STON2: variants seen among roughly 807,000 people sequenced by gnomAD.
STON2 encodes the protein stonin-2.
Under a neutral mutation model 65.7 loss-of-function variants are expected in STON2, and 29 were observed. The ratio of observed to expected loss-of-function variants is 0.44; its 90% confidence interval spans 0.33 to 0.60. The LOEUF (loss-of-function observed/expected upper bound fraction) is 0.60. Ranked by LOEUF, STON2 falls within the 20% of genes least tolerant of loss-of-function variation. STON2 has a pLI of 0.03. For synonymous variants in STON2, 404 were observed against 414.2 expected, an observed-to-expected ratio of 0.98 and a Z score of 0.30; for missense variants, 1,054 against 1,118.1, an observed-to-expected ratio of 0.94 and a Z score of 0.82.
At chr14:81,425,687 C>T (rs1190093391) in intron 2 of STON2, among the ~76,000 whole-genome samples, 2 of 152,090 alleles carry the variant, frequency 1.3e-5, no homozygotes, top group Non-Finnish European at 2.9e-5. Context: ...AATACTAAAA[C>T]ACTGTCATCC....
At chr14:81,355,843 T>C (rs549491798) in intron 4 of STON2, among the ~76,000 whole-genome samples, 1 of 152,266 alleles carries the variant, frequency 6.6e-6, no homozygotes, top group East Asian at 1.9e-4. Context: ...CTTGTGATTT[T>C]TGTACATTGA....
rs147430776 is a variant in STON2 at position 81,351,417 on chromosome 14, G to C, written c.571+19571C>G. Among the ~76,000 whole-genome samples, 758 of 152,180 alleles carry C rather than the reference G, an allele frequency of 5.0e-3. 5 individuals are homozygous for C. The highest frequency in any genetic ancestry group is 0.017 in the African/African-American group (720 of 41,534). On this transcript the variant is annotated intron_variant, in intron 4 of 7. Transcript: ENST00000614646. ...GCTCTCCTATAATAAGAGGTGACAGGAACTGTGACATGGAGCAAAACTCCC... is the reference window on the plus strand; with the variant it reads ...GCTCTCCTATAATAAGAGGTGACAGCAACTGTGACATGGAGCAAAACTCCC...
rs554224070 is a variant in STON2 at position 81,335,316 on chromosome 14, A to G, written c.572-11129T>C. Among the ~76,000 whole-genome samples, 15 of 152,352 alleles carry G rather than the reference A, an allele frequency of 9.8e-5. No homozygotes were observed. In the East Asian group the frequency reaches 2.7e-3, roughly 27 times the overall value. On this transcript the variant is annotated intron_variant, in intron 4 of 7. Coordinates refer to ENST00000614646, the MANE Select transcript of STON2 (RefSeq NM_001394390.1). ...AAAAGATGAGAAAGAACTAGAAGAA[A>G]GAAGAAAAGGTAGAGAGAAGAAGTC...
intron 4 of STON2, among the ~76,000 whole-genome samples, chr14:81,338,699 T>C (rs1167029537): frequency 4.6e-5 from 7 of 152,220 alleles, no homozygotes; most frequent in Non-Finnish European, 8.8e-5. Flanking sequence ...TATGTCCAGG[T>C]AGATAGTGTC....
Position 81,267,938 on chromosome 14 carries a change from C to T in STON2, c.*476G>A. 4.1e-6 allele frequency: 4 copies of T among 985,644 alleles called. No individual in the cohort carries two copies. Among genetic ancestry groups the T allele is most frequent in the Non-Finnish European group, 4.8e-6 (4 of 830,094 alleles). 61.1% of individuals were successfully genotyped at this position (985,644 alleles called of 1,614,324 possible). On this transcript the variant is annotated 3_prime_UTR_variant, in exon 8 of 8. Transcript: ENST00000614646. ...AGAGGAAATTTGTTTTGCACCTTTTCTGAACCTTTTCTAGACAGAGTGAAA... is the reference window on the plus strand; with the variant it reads ...AGAGGAAATTTGTTTTGCACCTTTTTTGAACCTTTTCTAGACAGAGTGAAA...
intron 3 of STON2, among the ~76,000 whole-genome samples, chr14:81,373,998 CCTTT>C (rs1566932860): frequency 8.6e-5 from 8 of 92,778 alleles, no homozygotes. Context: ...TATAATAATG[CCTTT>C]TTTTTTTTTT....
intron 2 of STON2, among the ~76,000 whole-genome samples, chr14:81,425,013 G>A (rs1901898161): frequency 6.6e-6 from 1 of 152,100 alleles, no homozygotes; most frequent in African/African-American, 2.4e-5. Context: ...ATTTCTTTTG[G>A]TAGATGTCTC....
Position 81,371,154 on chromosome 14 carries a change from G to A in STON2, c.405C>T (p.Cys135=), listed in dbSNP as rs570420944. 5 of 1,614,144 alleles carry A rather than the reference G, an allele frequency of 3.1e-6. No individual in the cohort carries two copies. In the African/African-American group the frequency reaches 6.7e-5, roughly 22 times the overall value. ...ALPLTMPCWT[C]PSFDSLGRCP... ...ATCTCCCCAGGGAGTCAAAGGAAGG[G>A]CATGTCCAGCAGGGCATGGTCAATG... Residue 135 remains cysteine (C), a synonymous_variant, in exon 4 of 8, where the codon TGC becomes TGT. Coordinates refer to ENST00000614646, the MANE Select transcript of STON2 (RefSeq NM_001394390.1).
chr14:81,291,062 T>C (rs911288352), intron 5 of STON2, among the ~76,000 whole-genome samples: 1 of 151,996 alleles, frequency 6.6e-6, no homozygotes, highest in African/African-American at 2.4e-5. Flanking sequence ...GGAGGGAAAA[T>C]GCCTTTGAAG....
At chr14:81,387,576 C>CAT (rs1429047931) in intron 3 of STON2, among the ~76,000 whole-genome samples, 2 of 151,950 alleles carry the variant, frequency 1.3e-5, no homozygotes, top group Non-Finnish European at 2.9e-5. Flanking sequence ...GCTCTTTTTC[C>CAT]ATATATATGG....
chr14:81,275,795 C>T (rs550646706), intron 6 of STON2, among the ~76,000 whole-genome samples: 36 of 152,126 alleles, frequency 2.4e-4, no homozygotes, highest in Non-Finnish European at 4.3e-4. Context: ...ATTATACTGC[C>T]GTCGGCCGTC....
intron 3 of STON2, among the ~76,000 whole-genome samples, chr14:81,380,623 G>A (rs748873892): frequency 5.9e-5 from 9 of 152,042 alleles, no homozygotes; most frequent in African/African-American, 1.2e-4. Context: ...ACATATACAC[G>A]ATGGAATACT....
At position 81,391,864 on chromosome 14, in the gene STON2, G is replaced by T. The variant is rs1279800612; in HGVS notation, c.373+4030C>A. Among the ~76,000 whole-genome samples the T allele has an allele frequency of 2.0e-5, 3 of 152,112 alleles. No homozygotes were observed. In the East Asian group the frequency reaches 5.8e-4, roughly 29 times the overall value. Reference sequence around the variant, plus strand: ...AGGTAGAAAACTCCATCTCCACAGGGTTGAGTTAAATTTTCACACATATGA... The same window carrying T: ...AGGTAGAAAACTCCATCTCCACAGGTTTGAGTTAAATTTTCACACATATGA... On this transcript the variant is annotated intron_variant, in intron 3 of 7. Transcript: ENST00000614646.
At chr14:81,307,388 C>T (rs1383984724) in intron 5 of STON2, among the ~76,000 whole-genome samples, 2 of 152,138 alleles carry the variant, frequency 1.3e-5, no homozygotes, top group Non-Finnish European at 2.9e-5. Flanking sequence ...CTCACTTGGA[C>T]TCAAAGCTAG....
intron 5 of STON2, among the ~76,000 whole-genome samples, chr14:81,304,431 A>G (rs1349165520): frequency 6.6e-6 from 1 of 152,174 alleles, no homozygotes; most frequent in Non-Finnish European, 1.5e-5. Flanking sequence ...GCTGTTAGAG[A>G]TGGAATCAGG....
chr14:81,350,354 G>A (rs536860944), intron 4 of STON2, among the ~76,000 whole-genome samples: 3 of 152,106 alleles, frequency 2.0e-5, no homozygotes, highest in Admixed American at 2.0e-4. Flanking sequence ...ATTAAAAAAT[G>A]TAAGAGAAAG....
chr14:81,332,314 C>T (rs535763054), intron 4 of STON2, among the ~76,000 whole-genome samples: 1 of 152,184 alleles, frequency 6.6e-6, no homozygotes, highest in Non-Finnish European at 1.5e-5. Flanking sequence ...AAGTCACATT[C>T]GCATTTTAAA....
At position 81,262,328 on chromosome 14, in the gene STON2, C is replaced by A. The variant is rs374440785; in HGVS notation, c.*6086G>T. ...CAATCCTCAATGTCCTCGTGTCTAG[C>A]CTTTCCTCCCTTTAGGGAAGCTGGC... On this transcript the variant is annotated 3_prime_UTR_variant, in exon 8 of 8. Coordinates refer to ENST00000614646, the MANE Select transcript of STON2 (RefSeq NM_001394390.1). 13 of 985,476 alleles carry A rather than the reference C, an allele frequency of 1.3e-5. No homozygotes were observed. The East Asian group carries it at 7.9e-4, about 60-fold the overall frequency. The allele number at this position is 985,476 out of a possible 1,614,324, so 61.0% of individuals were successfully genotyped here. A position where few individuals can be genotyped will look rare whatever the true frequency, so the allele number is the denominator to read the frequency against.
chr14:81,406,499 T>C (rs111295780), intron 2 of STON2, among the ~76,000 whole-genome samples: 2 of 152,064 alleles, frequency 1.3e-5, no homozygotes, highest in Admixed American at 6.6e-5. Flanking sequence ...AATAGCAGAG[T>C]TGAGTAGCTG....
Sources: gnomAD v4.1 joint callset for allele counts (sites outside exome capture counted in the v4.1 genomes callset) on GRCh38, gnomAD v4.1.1 for gene constraint, MANE v1.5 for transcripts, NCBI Gene and HGNC (gene_info 2026-07-23, HGNC 2026-07-21) for gene names.